Variants in CLECL1 observed in about 807,000 individuals in gnomAD.
CLECL1 encodes the protein C-type lectin like 1, also known as C-type lectin-like domain family 1.
intron 3 of CLECL1, among the ~76,000 whole-genome samples, chr12:9,725,142 A>G (rs1306960156): frequency 6.6e-6 from 1 of 152,200 alleles, no homozygotes; most frequent in Non-Finnish European, 1.5e-5. Context: ...CCTTGACAAC[A>G]GATAATCACT....
chr12:9,713,278 TCTCA>T (rs1193012625), downstream of CLECL1, among the ~76,000 whole-genome samples: 3 of 152,362 alleles, frequency 2.0e-5, no homozygotes, highest in South Asian at 4.1e-4. Flanking sequence ...CAACTACCTA[TCTCA>T]CTCAGTAAAA....
intron 3 of CLECL1, among the ~76,000 whole-genome samples, chr12:9,726,916 T>C (rs1471223608): frequency 6.6e-6 from 1 of 151,840 alleles, no homozygotes; most frequent in African/African-American, 2.4e-5. Flanking sequence ...ACATCAAAGT[T>C]CCCAAAGACT....
chr12:9,726,462 A>T (rs758633020), intron 3 of CLECL1, among the ~76,000 whole-genome samples: 22 of 152,082 alleles, frequency 1.4e-4, no homozygotes, highest in African/African-American at 4.8e-4. Context: ...ATTGACAGGG[A>T]CAAAATGTGA....
chr12:9,714,330 T>C (rs1366349731), downstream of CLECL1, among the ~76,000 whole-genome samples: 1 of 152,236 alleles, frequency 6.6e-6, no homozygotes, highest in Non-Finnish European at 1.5e-5. Flanking sequence ...GAAGTTCACC[T>C]GTTTTTATGG....
At chr12:9,726,776 C>T (rs1247409334) in intron 3 of CLECL1, among the ~76,000 whole-genome samples, 2 of 151,780 alleles carry the variant, frequency 1.3e-5, no homozygotes, top group African/African-American at 4.8e-5. Context: ...TTTATTGTCT[C>T]CCTGTGTCAC....
intron 1 of CLECL1, among the ~76,000 whole-genome samples, chr12:9,731,887 C>T (rs1160574197): frequency 6.6e-6 from 1 of 152,028 alleles, no homozygotes; most frequent in Non-Finnish European, 1.5e-5. Flanking sequence ...GTAAAATAAC[C>T]TCTAGAAAAA....
downstream of CLECL1, among the ~76,000 whole-genome samples, chr12:9,718,320 G>T (rs1245380593): frequency 6.6e-6 from 1 of 151,588 alleles, no homozygotes; most frequent in African/African-American, 2.4e-5. Context: ...ATTAAATCTA[G>T]TTGGTTGTTA....
the CLECL1 span, among the ~76,000 whole-genome samples, chr12:9,703,223 G>C: frequency 6.6e-6 from 1 of 152,126 alleles, no homozygotes; most frequent in African/African-American, 2.4e-5. Context: ...TCTATGAATG[G>C]ACAATCAAGA....
chr12:9,723,501 A>G (rs186176337), intron 3 of CLECL1, among the ~76,000 whole-genome samples: 76 of 152,222 alleles, frequency 5.0e-4, no homozygotes, highest in African/African-American at 1.8e-3. Flanking sequence ...GAGTGAACAA[A>G]GCCAGACAGA....
In CLECL1 at chr12:9,730,637, C is replaced by G. The variant is rs145539969; in HGVS notation, n.83-961G>C. ...ACAGTCAAAATTGTGGGAGTCAAGT[C>G]AGTCACAGAAAGAATGTGGTGATGT... On this transcript the variant is annotated intron_variant and non_coding_transcript_variant, in intron 1 of 3. Coordinates refer to ENST00000621400, the Ensembl canonical transcript of CLECL1. Among the ~76,000 whole-genome samples, 5 of 152,146 alleles carry G rather than the reference C, an allele frequency of 3.3e-5. No individual in the cohort carries two copies. The East Asian group carries it at 9.6e-4, about 29-fold the overall frequency.
chr12:9,727,383 C>T (rs1866392401), intron 3 of CLECL1, among the ~76,000 whole-genome samples: 1 of 151,670 alleles, frequency 6.6e-6, no homozygotes, highest in Admixed American at 6.6e-5. Context: ...CTCATTTTGC[C>T]TTGGCCCTTT....
At chr12:9,719,953 C>T (rs35990903), downstream of CLECL1, among the ~76,000 whole-genome samples, 38,257 of 152,026 alleles carry the variant, frequency 0.25, 6,829 homozygotes, top group African/African-American at 0.51. Context: ...TCTCTTCTGT[C>T]TCTCTTCCAG....
chr12:9,712,239 C>T (rs1172110108), downstream of CLECL1, among the ~76,000 whole-genome samples: 1 of 152,220 alleles, frequency 6.6e-6, no homozygotes, highest in Non-Finnish European at 1.5e-5. Flanking sequence ...TCCTCATCCC[C>T]ATAGTCTATT....
intron 2 of CLECL1, among the ~76,000 whole-genome samples, chr12:9,728,387 CT>C (rs1389513201): frequency 1.3e-5 from 2 of 151,646 alleles, no homozygotes; most frequent in Non-Finnish European, 3.0e-5. Flanking sequence ...TATATAATCT[CT>C]AATTCTTATG....
chr12:9,720,735 C>T (rs1415578182), downstream of CLECL1, among the ~76,000 whole-genome samples: 1 of 152,186 alleles, frequency 6.6e-6, no homozygotes, highest in Non-Finnish European at 1.5e-5. Context: ...CTGTGAGAGT[C>T]TGGTGGAGTT....
upstream of CLECL1, chr12:9,733,031 T>C: frequency 2.5e-6 from 4 of 1,614,124 alleles, no homozygotes; most frequent in Non-Finnish European, 3.4e-6. Context: ...CTCCAGCCAT[T>C]GCACAGATCA....
chr12:9,734,340 C>G (rs139489699), upstream of CLECL1, among the ~76,000 whole-genome samples: 764 of 152,322 alleles, frequency 5.0e-3, 12 homozygotes, highest in African/African-American at 0.017. Context: ...GCATGACACT[C>G]TCTCCCTTTT....
At chr12:9,733,238 T>C, upstream of CLECL1, 5 of 1,611,008 alleles carry the variant, frequency 3.1e-6, no homozygotes, top group South Asian at 2.2e-5. Context: ...CGAATACTTG[T>C]ATGACATGGA....
chr12:9,719,505 G>A (rs776240948), downstream of CLECL1, among the ~76,000 whole-genome samples: 14 of 152,310 alleles, frequency 9.2e-5, no homozygotes, highest in South Asian at 2.1e-3. Context: ...CAGCCTGGGC[G>A]AAAGAGCGAG....
Sources: gnomAD v4.1 joint callset for allele counts (sites outside exome capture counted in the v4.1 genomes callset) on GRCh38, gnomAD v4.1.1 for gene constraint, MANE v1.5 for transcripts, NCBI Gene and HGNC (gene_info 2026-07-23, HGNC 2026-07-21) for gene names.